Variants in DISC1 observed in about 807,000 individuals in gnomAD.
The protein encoded by DISC1 is DISC1 scaffold protein.
Under a neutral mutation model 84.5 loss-of-function variants are expected in DISC1, and 57 were observed. That is an observed-to-expected ratio of 0.67 (90% CI 0.55 to 0.84). DISC1 has a LOEUF of 0.84. Ranked by LOEUF, DISC1 falls within the 40% of genes least tolerant of loss-of-function variation. The pLI is 0.00. For synonymous variants in DISC1, 411 were observed against 415.2 expected (o/e 0.99, Z 0.12); for missense variants, 1,000 against 1,057.8 (o/e 0.95, Z 0.76).
intron 9 of DISC1, among the ~76,000 whole-genome samples, chr1:231,890,121 C>CCT (rs936590715): frequency 6.6e-6 from 1 of 152,072 alleles, no homozygotes; most frequent in Non-Finnish European, 1.5e-5. Context: ...AATGTTATTT[C>CCT]CTCTCTCCTG....
intron 9 of DISC1, among the ~76,000 whole-genome samples, chr1:231,907,143 T>TCCTTCCTTCC (rs2088792588): frequency 2.7e-4 from 20 of 74,002 alleles, no homozygotes; most frequent in African/African-American, 6.5e-4. Flanking sequence ...CTTTCTTTCT[T>TCCTTCCTTCC]TCTTTCTTTC....
rs147694747 is a variant in DISC1 at position 232,025,919 on chromosome 1, G to A, written c.2308-516G>A. Among the ~76,000 whole-genome samples, 493 of 152,226 alleles carry A rather than the reference G, an allele frequency of 3.2e-3. 2 individuals carry two copies. Among genetic ancestry groups the A allele is most frequent in the African/African-American group, 0.011 (458 of 41,542 alleles). On this transcript the variant is annotated intron_variant, in intron 11 of 12. Coordinates refer to ENST00000439617, the MANE Select transcript of DISC1 (RefSeq NM_018662.3). ...CCCATGTATGGTGGTGGTAGCGGCGGCTCTATATGCAGTATACACCTCATG... is the reference window on the plus strand; with the variant it reads ...CCCATGTATGGTGGTGGTAGCGGCGACTCTATATGCAGTATACACCTCATG...
At chr1:231,776,404 A>T (rs1021942567) in intron 6 of DISC1, among the ~76,000 whole-genome samples, 1 of 152,230 alleles carries the variant, frequency 6.6e-6, no homozygotes, top group Non-Finnish European at 1.5e-5. Context: ...TGGAAGAAAC[A>T]TGTCACATCT....
chr1:231,964,957 T>TCAGA (rs201041803), intron 10 of DISC1, among the ~76,000 whole-genome samples: 2,520 of 152,324 alleles, frequency 0.017, 48 homozygotes, highest in East Asian at 0.069. Context: ...TACTTAAAGA[T>TCAGA]CAGAGCTAAG....
chr1:231,785,573 C>T (rs563927193), intron 6 of DISC1, among the ~76,000 whole-genome samples: 9 of 152,184 alleles, frequency 5.9e-5, no homozygotes, highest in Admixed American at 2.6e-4. Context: ...GGGTTACAGA[C>T]GTGATCCACC....
chr1:231,773,441 G>A (rs550377437), intron 6 of DISC1, among the ~76,000 whole-genome samples: 1 of 152,296 alleles, frequency 6.6e-6, no homozygotes, highest in African/African-American at 2.4e-5. Context: ...CTGGAGTGCA[G>A]TGGTGCGATC....
At chr1:231,776,431 A>G (rs377252440) in intron 6 of DISC1, among the ~76,000 whole-genome samples, 31 of 152,344 alleles carry the variant, frequency 2.0e-4, no homozygotes, top group Middle Eastern at 6.8e-3. Flanking sequence ...AACCATTGGC[A>G]CAAAGTGTGA....
intron 1 of DISC1, among the ~76,000 whole-genome samples, chr1:231,681,867 T>A (rs1326376556): frequency 6.6e-6 from 1 of 152,078 alleles, no homozygotes; most frequent in Middle Eastern, 3.2e-3. Flanking sequence ...CCCTGCTAAT[T>A]TTTTGTACTT....
At chr1:231,759,523 C>A (rs2075433162) in intron 4 of DISC1, among the ~76,000 whole-genome samples, 1 of 14,246 alleles carries the variant, frequency 7.0e-5, no homozygotes, top group Admixed American at 1.3e-3. Flanking sequence ...ACCCCCATCT[C>A]TACAAAAAAA....
intron 11 of DISC1, among the ~76,000 whole-genome samples, chr1:232,012,965 C>T (rs1180410212): frequency 6.6e-6 from 1 of 152,160 alleles, no homozygotes; most frequent in Non-Finnish European, 1.5e-5. Context: ...AGCTCTCCTC[C>T]AAGCCTTTCT....
At chr1:231,701,909 G>T in intron 2 of DISC1, 46 bp from the exon 3 acceptor site, 2 of 1,488,784 alleles carry the variant, frequency 1.3e-6, no homozygotes, top group South Asian at 2.5e-5. Context: ...ATGTTTGCTT[G>T]AATTCTATTG....
chr1:231,809,441 C>T (rs1235561473), intron 8 of DISC1, among the ~76,000 whole-genome samples: 2 of 146,968 alleles, frequency 1.4e-5, no homozygotes, highest in Non-Finnish European at 3.0e-5. Context: ...TATCTGCTTC[C>T]AAGAAGCAAA....
At chr1:231,915,838 G>C (rs2089585416) in intron 9 of DISC1, among the ~76,000 whole-genome samples, 1 of 152,118 alleles carries the variant, frequency 6.6e-6, no homozygotes, top group Admixed American at 6.5e-5. Flanking sequence ...AGAAGAGAAG[G>C]GATATTGGAG....
At chr1:231,715,616 G>T (rs2068591457) in intron 3 of DISC1, among the ~76,000 whole-genome samples, 1 of 152,120 alleles carries the variant, frequency 6.6e-6, no homozygotes, top group Non-Finnish European at 1.5e-5. Flanking sequence ...GGGACTGATT[G>T]GACCACATTT....
chr1:231,818,570 T>C, intron 9 of DISC1, 53 bp downstream of exon 9: 2 of 1,609,036 alleles, frequency 1.2e-6, no homozygotes, highest in Non-Finnish European at 1.7e-6. Flanking sequence ...TTTGTTGTGT[T>C]TTGTGGCCAG....
Position 231,694,517 on chromosome 1 carries a change from C to T in DISC1, c.759C>T (p.Asp253=), listed in dbSNP as rs113312552. The change falls in exon 2 of 13, where the codon GAC becomes GAT. Residue 253 remains aspartate, a synonymous_variant. Coordinates refer to ENST00000439617, the MANE Select transcript of DISC1 (RefSeq NM_018662.3). ...TGGGAGCCAAAGCTGCCAGCTTGGA[C>T]GGGCCTCACGAGGACCCGCGATGTC... ...QEMGAKAASL[D]GPHEDPRCLS... 3.5e-5 allele frequency: 57 copies of T among 1,614,240 alleles called. No homozygotes were observed. Among genetic ancestry groups the T allele is most frequent in the South Asian group, 9.9e-5 (9 of 91,092 alleles).
intron 9 of DISC1, among the ~76,000 whole-genome samples, chr1:231,863,723 C>T (rs1265617011): frequency 6.6e-6 from 1 of 152,138 alleles, no homozygotes; most frequent in Non-Finnish European, 1.5e-5. Flanking sequence ...TTTCTTTGCC[C>T]TGGGCTTTTT....
intron 11 of DISC1, among the ~76,000 whole-genome samples, chr1:232,016,902 T>C (rs1283006536): frequency 6.6e-6 from 1 of 152,186 alleles, no homozygotes; most frequent in African/African-American, 2.4e-5. Flanking sequence ...GGATGAATAC[T>C]CGTATCAGAT....
intron 3 of DISC1, chr1:231,721,168 G>A: frequency 8.6e-7 from 1 of 1,161,108 alleles, no homozygotes; most frequent in Non-Finnish European, 1.1e-6. Context: ...AGAAACAGAG[G>A]AAATAATACA....
Sources: allele counts gnomAD v4.1 joint callset (sites outside exome capture counted in the v4.1 genomes callset), GRCh38; gene constraint gnomAD v4.1.1; transcripts MANE v1.5; gene names NCBI Gene and HGNC (gene_info 2026-07-23, HGNC 2026-07-21).